Variants in ABCG1 observed in about 807,000 individuals in gnomAD.
ABCG1 encodes ATP-binding cassette sub-family G member 1.
ABCG1 carries 29 observed loss-of-function variants against 69.2 expected under a neutral mutation model. That is an observed-to-expected ratio of 0.42 (90% confidence interval 0.31 to 0.57). The LOEUF (loss-of-function observed/expected upper bound fraction) is 0.57. Ranked by LOEUF, ABCG1 falls within the 20% of genes least tolerant of loss-of-function variation. The pLI is 0.15. For synonymous variants in ABCG1, 370 were observed against 374.8 expected, an observed-to-expected ratio of 0.99 and a Z score of 0.15; for missense variants, 718 against 898.1, an observed-to-expected ratio of 0.80 and a Z score of 2.56.
Position 42,268,394 on chromosome 21 carries a change from C to T in ABCG1, c.287-2676C>T, listed in dbSNP as rs201465893. Reference sequence around the variant, plus strand: ...GTGTGTGTGTGTGTGTGTGTGCGCGCGCGCGCTGGATACTCAGGAAACCCG... The same window carrying T: ...GTGTGTGTGTGTGTGTGTGTGCGCGTGCGCGCTGGATACTCAGGAAACCCG... On this transcript the variant is annotated intron_variant, in intron 2 of 14. Transcript: ENST00000398449. 2.4e-3 allele frequency among the ~76,000 whole-genome samples: 191 copies of T among 78,436 alleles called. 2 individuals carry two copies. In the Middle Eastern group the frequency reaches 0.053, roughly 22 times the overall value. 51.5% of individuals were successfully genotyped at this position (78,436 alleles called of 152,430 possible). A position where few individuals can be genotyped will look rare whatever the true frequency, so the allele number is the denominator to read the frequency against.
chr21:42,273,236 C>T lies in ABCG1; in HGVS notation c.405-67C>T, dbSNP rs1359431717. ...AAGCCCCCGTCTCTGGCTCCCCTCTCCTGCCCCGGGAGGTGGAGGAGGAGC... is the reference window on the plus strand; with the variant it reads ...AAGCCCCCGTCTCTGGCTCCCCTCTTCTGCCCCGGGAGGTGGAGGAGGAGC... On this transcript the variant is annotated intron_variant, in intron 3 of 14. Coordinates refer to ENST00000398449, the MANE Select transcript of ABCG1 (RefSeq NM_016818.3). The surrounding 1 kb of genome is among the most constrained non-coding windows in gnomAD (Gnocchi z 5.3). 7 of 1,558,566 alleles carry T rather than the reference C, an allele frequency of 4.5e-6. No homozygotes were observed. In the East Asian group the frequency reaches 1.4e-4, roughly 30 times the overall value.
chr21:42,284,582 T>C lies in ABCG1; in HGVS notation c.757T>C (p.Phe253Leu). The C allele has an allele frequency of 1.9e-6, 3 of 1,613,766 alleles. No individual in the cohort carries two copies. Among genetic ancestry groups the C allele is most frequent in the Non-Finnish European group, 2.5e-6 (3 of 1,180,016 alleles). Residue 253 changes from phenylalanine (F) to leucine (L), a missense_variant, in exon 7 of 15, where the codon TTC (phenylalanine) becomes CTC (leucine). Around this residue, in one of 2 missense-constraint regions of ABCG1, gnomAD observed 514 missense variants for 574.3 expected, o/e 0.90. Coordinates refer to ENST00000398449, the MANE Select transcript of ABCG1 (RefSeq NM_016818.3). ...PTSGLDSASC[F>L]QVVSLMKGLA... ...CAGCGGCCTGGACAGCGCCTCCTGC[T>C]TCCAGGTGGTCTCGCTGATGAAAGG...
intron 2 of ABCG1, among the ~76,000 whole-genome samples, chr21:42,240,506 A>G (rs2068035925): frequency 6.6e-6 from 1 of 152,256 alleles, no homozygotes; most frequent in African/African-American, 2.4e-5. Context: ...TCTGGAGTGC[A>G]GTAGCGCAAT....
At chr21:42,251,801 C>T (rs2068226066) in intron 2 of ABCG1, among the ~76,000 whole-genome samples, 1 of 152,240 alleles carries the variant, frequency 6.6e-6, no homozygotes, top group Admixed American at 6.5e-5. Context: ...TCTTCCCAGG[C>T]AGGCCACGCC....
intron 2 of ABCG1, among the ~76,000 whole-genome samples, chr21:42,244,592 T>C (rs1313623016): frequency 8.5e-5 from 13 of 152,238 alleles, no homozygotes; most frequent in African/African-American, 2.9e-4. Context: ...GAGCTTTTCC[T>C]CATCTAAAAT....
chr21:42,292,648 CCACACTACACACCACA>C (rs1269002560), intron 13 of ABCG1, among the ~76,000 whole-genome samples: 3 of 144,568 alleles, frequency 2.1e-5, no homozygotes, highest in Admixed American at 6.9e-5. Context: ...TACACACACA[CCACACTACACACCACA>C]CACACTACAC....
intron 7 of ABCG1, 37 bp from the exon 8 acceptor site, chr21:42,285,843 C>A (rs751028866): frequency 2.3e-5 from 34 of 1,459,556 alleles, no homozygotes; most frequent in Non-Finnish European, 3.0e-5. Context: ...CCGAGGAAGG[C>A]AGGGCTTGAT....
chr21:42,280,447 G>A (rs910847462), intron 5 of ABCG1, among the ~76,000 whole-genome samples: 3 of 152,242 alleles, frequency 2.0e-5, no homozygotes, highest in Non-Finnish European at 4.4e-5. Flanking sequence ...CTGGGCTGCC[G>A]AGATCCTCCC....
At chr21:42,284,782 TG>T in intron 7 of ABCG1, 99 bp downstream of exon 7, 2 of 1,485,492 alleles carry the variant, frequency 1.3e-6, no homozygotes, top group Middle Eastern at 1.9e-4. Flanking sequence ...TGTTAGCTCG[TG>T]GGGCGTCTTC....
intron 5 of ABCG1, among the ~76,000 whole-genome samples, chr21:42,279,582 G>A (rs773628916): frequency 7.9e-5 from 12 of 152,230 alleles, no homozygotes; most frequent in Non-Finnish European, 1.2e-4. Context: ...AACCTGAACT[G>A]GATGGTTTCT....
intron 2 of ABCG1, among the ~76,000 whole-genome samples, chr21:42,264,356 A>G (rs1026525238): frequency 6.6e-6 from 1 of 152,156 alleles, no homozygotes; most frequent in Non-Finnish European, 1.5e-5. Context: ...GTGGTTTTTA[A>G]ACATCTGTTC....
intron 1 of ABCG1, among the ~76,000 whole-genome samples, chr21:42,224,444 C>A (rs1251589475): frequency 6.6e-6 from 1 of 152,190 alleles, no homozygotes; most frequent in Non-Finnish European, 1.5e-5. Context: ...GTCAGACACA[C>A]ATACACCCTC....
intron 2 of ABCG1, among the ~76,000 whole-genome samples, chr21:42,268,362 G>GGGGTGTGT (rs375702317): frequency 4.1e-5 from 6 of 147,704 alleles, no homozygotes; most frequent in East Asian, 2.0e-4. Flanking sequence ...TAGAGGTAGG[G>GGGGTGTGT]GTGTGTGTGT....
intron 2 of ABCG1, among the ~76,000 whole-genome samples, chr21:42,236,341 C>A (rs1448265048): frequency 6.6e-6 from 1 of 152,178 alleles, no homozygotes; most frequent in Non-Finnish European, 1.5e-5. Context: ...TGTGTGTGAA[C>A]CCAAAAGTGT....
chr21:42,269,114 G>A (rs142159611), intron 2 of ABCG1, among the ~76,000 whole-genome samples: 8 of 152,326 alleles, frequency 5.3e-5, no homozygotes, highest in African/African-American at 1.2e-4. Flanking sequence ...GTGACCAGGC[G>A]TCTTCAGGCA....
Position 42,210,959 on chromosome 21 carries a change from C to CTT in ABCG1, c.48+9253_48+9254dup, listed in dbSNP as rs1555945834. Among the ~76,000 whole-genome samples, 60 of 137,374 alleles carry CTT rather than the reference C, an allele frequency of 4.4e-4. 1 individual carries two copies. Among genetic ancestry groups the CTT allele is most frequent in the African/African-American group, 8.3e-4 (31 of 37,356 alleles). The allele number at this position is 137,374 out of a possible 152,430, so 90.1% of individuals were successfully genotyped here. A position where few individuals can be genotyped will look rare whatever the true frequency, so the allele number is the denominator to read the frequency against. On this transcript the variant is annotated intron_variant, in intron 2 of 15. Transcript: ENST00000398457. ...GATTAAGCATTCTCATTTCTTTCTT[C>CTT]TTTTTTTTTTTTTTTTTTGAGACCA...
intron 2 of ABCG1, among the ~76,000 whole-genome samples, chr21:42,203,336 T>C (rs1431314268): frequency 6.6e-6 from 1 of 152,232 alleles, no homozygotes; most frequent in Non-Finnish European, 1.5e-5. Flanking sequence ...TTATCAATTT[T>C]TCATTTTATG....
intron 1 of ABCG1, chr21:42,201,467 G>A (rs2123459040): frequency 3.1e-6 from 2 of 639,892 alleles, no homozygotes; most frequent in Middle Eastern, 4.7e-4. Context: ...ACGGGCCACG[G>A]ACTGGTCTGC....
chr21:42,202,850 C>T (rs1416158135), intron 2 of ABCG1, among the ~76,000 whole-genome samples: 3 of 152,054 alleles, frequency 2.0e-5, no homozygotes, highest in South Asian at 2.1e-4. Context: ...TGGGCTCAAG[C>T]GATCCTCTGG....
Sources: allele counts gnomAD v4.1 joint callset (sites outside exome capture counted in the v4.1 genomes callset), GRCh38; gene constraint gnomAD v4.1.1; regional missense constraint gnomAD v4.1.1; non-coding constraint Gnocchi (gnomAD v3.1); transcripts MANE v1.5; gene names NCBI Gene and HGNC (gene_info 2026-07-23, HGNC 2026-07-21).